FLNC: variants seen among roughly 807,000 people sequenced by gnomAD.
FLNC encodes the protein filamin-C.
FLNC carries 91 observed loss-of-function variants against 254.3 expected under a neutral mutation model. The ratio of observed to expected loss-of-function variants is 0.36; its 90% CI spans 0.30 to 0.43. The LOEUF (loss-of-function observed/expected upper bound fraction) is 0.43, where lower values mean the gene tolerates loss of function less well. Ranked by LOEUF, FLNC falls within the 20% of genes least tolerant of loss-of-function variation. The pLI, the probability that FLNC is intolerant of heterozygous loss-of-function variation, is 1.00. For synonymous variants in FLNC, 1,430 were observed against 1,577.2 expected, an observed-to-expected ratio of 0.91 and a Z score of 2.21; for missense variants, 2,853 against 3,802.6, an observed-to-expected ratio of 0.75 and a Z score of 6.57.
chr7:128,856,953 T>G lies in FLNC; in HGVS notation c.7561+32T>G. ...GCCTGGAGCTGGGGAACAGGGTGAC[T>G]TCTGGGGGTGCTTGGCCACTAGTCT... On this transcript the variant is annotated intron_variant, in intron 45 of 47. Coordinates refer to ENST00000325888, the MANE Select transcript of FLNC (RefSeq NM_001458.5). This position sits in a 1 kb window ranked among gnomAD's most constrained non-coding sequence, Gnocchi z 5.9. The G allele has an allele frequency of 6.2e-7, 1 of 1,610,862 alleles. No homozygotes were observed. The highest frequency in any genetic ancestry group is 8.5e-7 in the Non-Finnish European group (1 of 1,177,810).
intron 30 of FLNC, 65 bp from the exon 31 acceptor site, chr7:128,849,911 C>A: frequency 8.5e-7 from 1 of 1,171,580 alleles, no homozygotes; most frequent in Non-Finnish European, 1.2e-6. Context: ...CTGGGCCATT[C>A]TCTGAGTCAG....
Position 128,830,767 on chromosome 7 carries a change from C to T in FLNC, c.130C>T (p.Arg44Cys), listed in dbSNP as rs2128932137. Residue 44 changes from arginine to cysteine, a missense_variant, in exon 1 of 48, where the codon CGC becomes TGC. By Grantham distance (180) the Arg-to-Cys change is radical. This residue lies in a region of FLNC where 13 missense variants were observed against 37.8 expected (regional missense o/e 0.34). Coordinates refer to ENST00000325888, the MANE Select transcript of FLNC (RefSeq NM_001458.5). ...WKKIQQNTFTRWCNEHLKCVG... is the reference protein window; with the variant it reads ...WKKIQQNTFTCWCNEHLKCVG... ...GAAGATCCAGCAGAACACATTCACGCGCTGGTGCAATGAGCACCTCAAGTG... is the reference window on the plus strand; with the variant it reads ...GAAGATCCAGCAGAACACATTCACGTGCTGGTGCAATGAGCACCTCAAGTG... 6.2e-7 allele frequency: 1 copy of T among 1,613,192 alleles called. No individual in the cohort carries two copies. The highest frequency in any genetic ancestry group is 8.5e-7 in the Non-Finnish European group (1 of 1,179,940).
chr7:128,844,004 A>G lies in FLNC; in HGVS notation c.2930A>G (p.Lys977Arg), dbSNP rs1808450221. 6.2e-7 allele frequency: 1 copy of G among 1,614,020 alleles called. No individual in the cohort carries two copies. The highest frequency in any genetic ancestry group is 8.5e-7 in the Non-Finnish European group (1 of 1,180,054). The change falls in exon 20 of 48, where the codon AAG becomes AGG. Residue 977 changes from lysine to arginine, a missense_variant and splice_region_variant. Lys to Arg is a conservative substitution (Grantham distance 26, BLOSUM62 2). Coordinates refer to ENST00000325888, the MANE Select transcript of FLNC (RefSeq NM_001458.5). ...SKIKVQGLNS[K>R]VAVGQEQAFS... ...ATGGTGTCACTTGCCCTCCACGCAGAGGTGGCTGTGGGACAGGAACAAGCA... is the reference window on the plus strand; with the variant it reads ...ATGGTGTCACTTGCCCTCCACGCAGGGGTGGCTGTGGGACAGGAACAAGCA...
At chr7:128,840,741 G>A (rs1808298015) in intron 10 of FLNC, 67 bp downstream of exon 10, 1 of 1,504,698 alleles carries the variant, frequency 6.6e-7, no homozygotes, top group Admixed American at 1.7e-5. Context: ...GGGGCACTGG[G>A]CTGCGAGGGA....
rs1808557594 is a variant in FLNC at position 128,846,164 on chromosome 7, G to T, written c.3964+1G>T. 1 of 1,614,082 alleles carries T rather than the reference G, an allele frequency of 6.2e-7. No individual in the cohort carries two copies. Among genetic ancestry groups the T allele is most frequent in the Non-Finnish European group, 8.5e-7 (1 of 1,179,976 alleles). ...GTGCAGTACACCGCCTACGAGGAGG[G>T]TGAGGGCCGGTGGGCCAGGCTAGTG... is the stretch of plus-strand genomic sequence containing the variant. On this transcript the variant is annotated splice_donor_variant, in intron 22 of 47. Transcript: ENST00000325888. LOFTEE classifies it high-confidence loss of function.
intron 8 of FLNC, 96 bp from the exon 9 acceptor site, chr7:128,839,927 G>T (rs1424528881): frequency 6.6e-7 from 1 of 1,508,350 alleles, no homozygotes; most frequent in Non-Finnish European, 9.1e-7. Flanking sequence ...CACTGCCTGT[G>T]CCTGGGAGGG....
In FLNC at chr7:128,839,206, G is replaced by A. The variant is rs763292116; in HGVS notation, c.1411+403G>A. Among the ~76,000 whole-genome samples, 9 of 152,252 alleles carry A rather than the reference G, an allele frequency of 5.9e-5. No homozygotes were observed. The South Asian group carries it at 6.2e-4, about 10-fold the overall frequency. Reference sequence around the variant, plus strand: ...TGGCCGCAGCTGACTGGCCTCACCTGTGCTGTGTGGCATGGCCCGGGCCGT... The same window carrying A: ...TGGCCGCAGCTGACTGGCCTCACCTATGCTGTGTGGCATGGCCCGGGCCGT... On this transcript the variant is annotated intron_variant, in intron 8 of 47. Coordinates refer to ENST00000325888, the MANE Select transcript of FLNC (RefSeq NM_001458.5).
At chr7:128,850,227 A>G in intron 31 of FLNC, 153 bp downstream of exon 31, 2 of 910,500 alleles carry the variant, frequency 2.2e-6, no homozygotes, top group Non-Finnish European at 3.6e-6. Flanking sequence ...CCACTTGGGC[A>G]CAGCACTCCT....
rs762824382 is a variant in FLNC, at chr7:128,846,420, G to A, written c.4084G>A (p.Gly1362Ser). ...CCGAGCCTTCGGGCCAGGCCTGGAG[G>A]GTGGCTTGGTCAACAAGGCCAACCG... ...RVRAFGPGLE[G>S]GLVNKANRFT... The change falls in exon 23 of 48, where the codon GGT (glycine) becomes AGT (serine). Residue 1362 changes from glycine to serine, a missense_variant. Gly to Ser is a moderately conservative substitution (Grantham distance 56). Transcript: ENST00000325888. The A allele has an allele frequency of 1.2e-6, 2 of 1,606,280 alleles. No homozygotes were observed. The highest frequency in any genetic ancestry group is 2.2e-5 in the South Asian group (2 of 91,084).
At position 128,840,639 on chromosome 7, in the gene FLNC, G is replaced by C. The variant is rs202142168; in HGVS notation, c.1641G>C (p.Val547=). 9.9e-6 allele frequency: 16 copies of C among 1,614,234 alleles called. No individual in the cohort carries two copies. In the African/African-American group the frequency reaches 1.9e-4, roughly 19 times the overall value. The change falls in exon 10 of 48, where the codon GTG becomes GTC. Residue 547 remains valine (V), a synonymous_variant. Coordinates refer to ENST00000325888, the MANE Select transcript of FLNC (RefSeq NM_001458.5). ...YYPVVPGKYV[V]TITWGGYAIP... ...CGGTGGTGCCTGGGAAGTATGTGGTGACCATCACGTGGGGCGGCTACGCCA... is the reference window on the plus strand; with the variant it reads ...CGGTGGTGCCTGGGAAGTATGTGGTCACCATCACGTGGGGCGGCTACGCCA...
chr7:128,836,475 G>GCCGTC lies in FLNC; in HGVS notation c.602-682_602-678dup, dbSNP rs1808096918. The stretch of plus-strand genomic sequence containing the variant: ...GCCGGCCCCCTCCCCGAAACGGTGT[G>GCCGTC]CCGTCCCCCTCCTCCAGCTCTGGCC... On this transcript the variant is annotated intron_variant, in intron 2 of 47. Transcript: ENST00000325888. This position sits in a 1 kb window ranked among gnomAD's most constrained non-coding sequence, Gnocchi z 6.0. Among the ~76,000 whole-genome samples, 1 of 152,158 alleles carries GCCGTC rather than the reference G, an allele frequency of 6.6e-6. No individual in the cohort carries two copies. The highest frequency in any genetic ancestry group is 1.5e-5 in the Non-Finnish European group (1 of 68,024).
At chr7:128,845,866 GAGAGGAGGGGAAGAGGAGGGGA>G in intron 21 of FLNC, 102 bp from the exon 22 acceptor site, 1 of 844,888 alleles carries the variant, frequency 1.2e-6, no homozygotes, top group Non-Finnish European at 1.9e-6. Flanking sequence ...AGAGGAGGGT[GAGAGGAGGGGAAGAGGAGGGGA>G]AGAGGAGAGG....
Position 128,851,375 on chromosome 7 carries a change from G to A in FLNC, c.5668+15G>A, listed in dbSNP as rs766668215. 4 of 1,613,978 alleles carry A rather than the reference G, an allele frequency of 2.5e-6. No individual in the cohort carries two copies. The African/African-American group carries it at 5.3e-5, about 22-fold the overall frequency. ...TGCTGGAGAAGGTGAGGGAGCTGCAGGTCGCAGGCTGGGGTGGAGACTCAC... is the reference window on the plus strand; with the variant it reads ...TGCTGGAGAAGGTGAGGGAGCTGCAAGTCGCAGGCTGGGGTGGAGACTCAC... On this transcript the variant is annotated intron_variant, in intron 34 of 47. Coordinates refer to ENST00000325888, the MANE Select transcript of FLNC (RefSeq NM_001458.5).
Position 128,841,145 on chromosome 7 carries a change from C to T in FLNC, c.1814-25C>T, listed in dbSNP as rs921468285. 2 of 1,611,470 alleles carry T rather than the reference C, an allele frequency of 1.2e-6. No individual in the cohort carries two copies. The highest frequency in any genetic ancestry group is 1.3e-5 in the African/African-American group (1 of 74,856). Reference sequence around the variant, plus strand: ...AAGGGTCTTGCCTGATGCTGGATCCCCGACCCTCCCCCACCTTGCCCCAGG... The same window carrying T: ...AAGGGTCTTGCCTGATGCTGGATCCTCGACCCTCCCCCACCTTGCCCCAGG... On this transcript the variant is annotated intron_variant, in intron 11 of 47. Coordinates refer to ENST00000325888, the MANE Select transcript of FLNC (RefSeq NM_001458.5). The surrounding 1 kb of genome is among the most constrained non-coding windows in gnomAD (Gnocchi z 4.3).
Position 128,835,320 on chromosome 7 carries a change from C to T in FLNC, c.353-6C>T, listed in dbSNP as rs748284739. On this transcript the variant is annotated splice_region_variant and splice_polypyrimidine_tract_variant and intron_variant, in intron 1 of 47. Transcript: ENST00000325888. The surrounding 1 kb of genome is among the most constrained non-coding windows in gnomAD (Gnocchi z 5.3). ...CCTGAGCCCGTCTGTGCCCTCCCCT[C>T]TGCAGACAGCAAGGCCATCGTGGAT... 4 of 1,613,236 alleles carry T rather than the reference C, an allele frequency of 2.5e-6. No individual in the cohort carries two copies. The highest frequency in any genetic ancestry group is 3.4e-6 in the Non-Finnish European group (4 of 1,180,030).
rs758755009 is a variant in FLNC at position 128,845,063 on chromosome 7, G to A, written c.3598G>A (p.Ala1200Thr). ...GATCCTGTCGGATGCCGGGGTCAAG[G>A]CCGAGGTGCTGATCCACAACAACGC... ...IEILSDAGVK[A>T]EVLIHNNADG... Residue 1200 changes from alanine to threonine, a missense_variant, in exon 21 of 48, where the codon GCC (alanine) becomes ACC (threonine). Ala to Thr is a moderately conservative substitution (Grantham distance 58, BLOSUM62 0). This residue lies in a region of FLNC where 1,573 missense variants were observed against 1,883.5 expected (regional missense o/e 0.84). Transcript: ENST00000325888. 1.9e-6 allele frequency: 3 copies of A among 1,613,880 alleles called. No homozygotes were observed. The Admixed American group carries it at 5.0e-5, about 27-fold the overall frequency.
Position 128,857,480 on chromosome 7 carries a change from A to C in FLNC, c.7780+144A>C, listed in dbSNP as rs1809116834. The stretch of plus-strand genomic sequence containing the variant: ...GGGCTAGAGGTGGGCCTGGCTCTAC[A>C]CAGTACACGTTCTGTGGAGTCGGGC... On this transcript the variant is annotated intron_variant, in intron 46 of 47. Coordinates refer to ENST00000325888, the MANE Select transcript of FLNC (RefSeq NM_001458.5). The surrounding 1 kb of genome is among the most constrained non-coding windows in gnomAD (Gnocchi z 4.5). 1.5e-6 allele frequency: 1 copy of C among 648,684 alleles called. No homozygotes were observed. The highest frequency in any genetic ancestry group is 2.8e-6 in the Non-Finnish European group (1 of 360,636). The allele number at this position is 648,684 out of a possible 1,614,324, so 40.2% of individuals were successfully genotyped here. A position where few individuals can be genotyped will look rare whatever the true frequency, so the allele number is the denominator to read the frequency against.
chr7:128,840,294 C>A, intron 9 of FLNC, 134 bp downstream of exon 9: 1 of 1,145,270 alleles, frequency 8.7e-7, no homozygotes, highest in Non-Finnish European at 1.3e-6. Context: ...ACCCCAGAAT[C>A]TCAGGCTCAT....
rs758924780 is a variant in FLNC at position 128,837,692 on chromosome 7, G to A, written c.906G>A (p.Thr302=). ...VLQPAHFTVQ[T]VDAGVGEVLV... The stretch of plus-strand genomic sequence containing the variant: ...AGCCTGCCCACTTCACCGTGCAGAC[G>A]GTGGACGCGGGCGTGGGCGAGGTGC... Residue 302 remains threonine (T), a synonymous_variant, in exon 5 of 48, where the codon ACG becomes ACA. Coordinates refer to ENST00000325888, the MANE Select transcript of FLNC (RefSeq NM_001458.5). 1.8e-5 allele frequency: 29 copies of A among 1,611,066 alleles called. No individual in the cohort carries two copies. The highest frequency in any genetic ancestry group is 3.3e-5 in the South Asian group (3 of 90,966).
Sources: gnomAD v4.1 joint callset for allele counts (sites outside exome capture counted in the v4.1 genomes callset) on GRCh38, gnomAD v4.1.1 for gene constraint, gnomAD v4.1.1 regional missense constraint, Gnocchi (gnomAD v3.1) non-coding constraint, MANE v1.5 for transcripts, NCBI Gene and HGNC (gene_info 2026-07-23, HGNC 2026-07-21) for gene names.